Variants in GMPPA observed in about 807,000 individuals in gnomAD.
GMPPA encodes mannose-1-phosphate guanylyltransferase regulatory subunit alpha.
Under a neutral mutation model 58.6 loss-of-function variants are expected in GMPPA, and 46 were observed. That is an observed-to-expected ratio of 0.78 (90% confidence interval 0.62 to 1.00). The LOEUF is 1.00. Among genes scored for constraint, GMPPA ranks in the 50% least tolerant of loss-of-function variants. GMPPA has a pLI of 0.00. For missense variants in GMPPA, 468 were observed against 556.4 expected (o/e 0.84, Z 1.60); for synonymous variants, 211 against 214.9 (o/e 0.98, Z 0.16).
At position 219,504,930 on chromosome 2, in the gene GMPPA, G is replaced by T. The variant is rs1694522951; in HGVS notation, c.621-298G>T. 5 of 1,061,926 alleles carry T rather than the reference G, an allele frequency of 4.7e-6. 1 individual carries two copies. In the South Asian group the frequency reaches 1.3e-4, roughly 27 times the overall value. 65.8% of individuals were successfully genotyped at this position (1,061,926 alleles called of 1,614,324 possible). On this transcript the variant is annotated intron_variant, in intron 7 of 12. Coordinates refer to ENST00000313597, the MANE Select transcript of GMPPA (RefSeq NM_013335.4). ...GGAGGGTAACTTGGAGGGGGTAAAG[G>T]GCTGAATGGGGATGAGAATGTGAAA...
At position 219,505,773 on chromosome 2, in the gene GMPPA, T is replaced by G; in HGVS notation, c.900+12T>G. The G allele has an allele frequency of 6.3e-7, 1 of 1,591,794 alleles. No homozygotes were observed. Among genetic ancestry groups the G allele is most frequent in the Non-Finnish European group, 8.6e-7 (1 of 1,166,860 alleles). ...CCCCCTCGGCTGTGGTGAGCACTGG[T>G]CCCAGCCCCAGGGAGGGAAGGGTGG... On this transcript the variant is annotated intron_variant, in intron 10 of 12. Transcript: ENST00000313597.
chr2:219,498,979 G>C (rs1694294462), intron 1 of GMPPA, 41 bp downstream of exon 1: 1 of 152,422 alleles, frequency 6.6e-6, no homozygotes. Context: ...GGGGTAAGGG[G>C]CAGGGGACAC....
chr2:219,505,466 T>A lies in GMPPA; in HGVS notation c.764T>A (p.Leu255His), dbSNP rs1318891781. ...CCCCTTGCGGTCCCCAGTTCAGCCC[T>A]CTACGCCTCCCGCCTCTACCTGAGC... is the stretch of plus-strand genomic sequence containing the variant. The part of the protein sequence containing the change: ...WSQIKSAGSA[L>H]YASRLYLSRY... The change falls in exon 9 of 13, where the codon CTC becomes CAC. Residue 255 changes from leucine (L) to histidine (H), a missense_variant. By Grantham distance (99) the Leu-to-His change is moderately conservative. Transcript: ENST00000313597. The A allele has an allele frequency of 1.3e-6, 2 of 1,570,512 alleles. No homozygotes were observed. Among genetic ancestry groups the A allele is most frequent in the Non-Finnish European group, 1.7e-6 (2 of 1,156,520 alleles).
rs764413927 is a variant in GMPPA at position 219,506,031 on chromosome 2, C to T, written c.952C>T (p.Arg318Trp). The T allele has an allele frequency of 7.2e-5, 115 of 1,593,940 alleles. No individual in the cohort carries two copies. Among genetic ancestry groups the T allele is most frequent in the Non-Finnish European group, 9.2e-5 (108 of 1,168,174 alleles). The change falls in exon 11 of 13, where the codon CGG becomes TGG. Residue 318 changes from arginine (R) to tryptophan (W), a missense_variant. By Grantham distance (101) the Arg-to-Trp change is moderately radical. Transcript: ENST00000313597. ...GKGVTVGEGVRLRESIVLHGA... is the reference protein window; with the variant it reads ...GKGVTVGEGVWLRESIVLHGA... ...GGGGGTGACCGTGGGTGAGGGTGTG[C>T]GGCTCCGGGAGAGCATCGTCCTCCA...
chr2:219,506,423 G>T lies in GMPPA; in HGVS notation c.1162+1G>T, dbSNP rs778088829. On this transcript the variant is annotated splice_donor_variant, in intron 12 of 12. Transcript: ENST00000313597. LOFTEE classifies it high-confidence loss of function. ...CTGCTGCCTGCTATCACCATCCTGG[G>T]TATGGCTTCCTGGGGGCCAGGGCTG... The T allele has an allele frequency of 6.2e-7, 1 of 1,610,428 alleles. No homozygotes were observed. The highest frequency in any genetic ancestry group is 8.5e-7 in the Non-Finnish European group (1 of 1,178,576).
chr2:219,506,943 T>G lies in GMPPA; in HGVS notation c.*145T>G. 1.6e-6 allele frequency: 1 copy of G among 625,110 alleles called. No homozygotes were observed. The highest frequency in any genetic ancestry group is 2.5e-5 in the Admixed American group (1 of 39,378). 38.7% of individuals were successfully genotyped at this position (625,110 alleles called of 1,614,324 possible). On this transcript the variant is annotated 3_prime_UTR_variant, in exon 13 of 13. Transcript: ENST00000313597. ...GCAATGTGGATGGCCTGGGGACTCCTGGGTTTTCTCCCTCCCGACTCCCTA... is the reference window on the plus strand; with the variant it reads ...GCAATGTGGATGGCCTGGGGACTCCGGGGTTTTCTCCCTCCCGACTCCCTA...
intron 3 of GMPPA, 158 bp from the exon 4 acceptor site, chr2:219,501,318 C>T (rs1694381671): frequency 4.8e-6 from 3 of 627,992 alleles, no homozygotes; most frequent in East Asian, 5.2e-5. Context: ...CCAAATTCCT[C>T]ATTGTCCAGA....
chr2:219,504,936 A>C, intron 7 of GMPPA: 8 of 1,026,756 alleles, frequency 7.8e-6, no homozygotes, highest in African/African-American at 1.6e-5. Flanking sequence ...AAAGGGCTGA[A>C]TGGGGATGAG....
chr2:219,505,478 G>A lies in GMPPA; in HGVS notation c.776G>A (p.Arg259His), dbSNP rs768272917. ...KSAGSALYAS[R>H]LYLSRYQDTH... ...CCCAGTTCAGCCCTCTACGCCTCCC[G>A]CCTCTACCTGAGCCGATACCAGGAC... Residue 259 changes from arginine to histidine, a missense_variant, in exon 9 of 13, where the codon CGC becomes CAC. By Grantham distance (29) the Arg-to-His change is conservative. Transcript: ENST00000313597. 15 of 1,578,614 alleles carry A rather than the reference G, an allele frequency of 9.5e-6. No homozygotes were observed. The highest frequency in any genetic ancestry group is 2.3e-5 in the East Asian group (1 of 43,776).
rs779625170 is a variant in GMPPA, at chr2:219,502,417, C to A, written c.465C>A (p.Ile155=). The part of the protein sequence containing the change: ...NRTQSLNYGC[I]VENPQTHEVL... The stretch of plus-strand genomic sequence containing the variant: ...CGCAATCCCTCAACTACGGCTGCAT[C>A]GTTGAGAATCCACAGACACACGAGG... Residue 155 remains isoleucine, a synonymous_variant, in exon 6 of 13, where the codon ATC becomes ATA. Transcript: ENST00000313597. This position sits in a 1 kb window ranked among gnomAD's most constrained non-coding sequence, Gnocchi z 4.0. 23 of 1,613,860 alleles carry A rather than the reference C, an allele frequency of 1.4e-5. No homozygotes were observed. Among genetic ancestry groups the A allele is most frequent in the Non-Finnish European group, 1.4e-5 (17 of 1,179,822 alleles).
Position 219,502,210 on chromosome 2 carries a change from T to C in GMPPA, c.430-172T>C, listed in dbSNP as rs2125630667. Among the ~76,000 whole-genome samples the C allele has an allele frequency of 6.6e-6, 1 of 152,288 alleles. No individual in the cohort carries two copies. Among genetic ancestry groups the C allele is most frequent in the Middle Eastern group, 3.4e-3 (1 of 294 alleles). ...GTGTTAGTGGAGACCCCGAGCCCTC[T>C]GGCTGTTCAGAAGTAGGGAGGGGGA... On this transcript the variant is annotated intron_variant, in intron 5 of 12. Transcript: ENST00000313597. The surrounding 1 kb of genome is among the most constrained non-coding windows in gnomAD (Gnocchi z 4.0).
At position 219,502,039 on chromosome 2, in the gene GMPPA, TG is replaced by T; in HGVS notation, c.429+3del. 1 of 1,613,922 alleles carries T rather than the reference TG, an allele frequency of 6.2e-7. No individual in the cohort carries two copies. Among genetic ancestry groups the T allele is most frequent in the Middle Eastern group, 1.7e-4 (1 of 6,058 alleles). On this transcript the variant is annotated splice_donor_region_variant and intron_variant, in intron 5 of 12. Coordinates refer to ENST00000313597, the MANE Select transcript of GMPPA (RefSeq NM_013335.4). This position sits in a 1 kb window ranked among gnomAD's most constrained non-coding sequence, Gnocchi z 4.0. ...CCTTTCTTACTCCTTGGCACTACGGTGAGGGGGTCAGGAGGGCTGGAGGGTG... is the reference window on the plus strand; with the variant it reads ...CCTTTCTTACTCCTTGGCACTACGGTAGGGGGTCAGGAGGGCTGGAGGGTG...
rs1409940169 is a variant in GMPPA, at chr2:219,501,542, C to G, written c.205C>G (p.Leu69Val). 1.9e-6 allele frequency: 3 copies of G among 1,612,770 alleles called. No homozygotes were observed. Among genetic ancestry groups the G allele is most frequent in the Non-Finnish European group, 2.5e-6 (3 of 1,178,856 alleles). Residue 69 changes from leucine to valine, a missense_variant, in exon 4 of 13, where the codon CTA becomes GTA. Leu to Val is a conservative substitution (Grantham distance 32, BLOSUM62 1). Coordinates refer to ENST00000313597, the MANE Select transcript of GMPPA (RefSeq NM_013335.4). ...ACCTGATGAGCCCCTCACCCAGTTC[C>G]TAGAAGCCGCCCAGCAGGAGTTTAA... Reference protein sequence around the residue: ...YQPDEPLTQFLEAAQQEFNLP... With the variant: ...YQPDEPLTQFVEAAQQEFNLP...
In GMPPA at chr2:219,505,515, A is replaced by G. The variant is rs776699056; in HGVS notation, c.813A>G (p.Glu271=). ...GCCGATACCAGGACACTCACCCAGA[A>G]CGGCTGGCCAAGCACACCCCAGGGG... ...YLSRYQDTHP[E]RLAKHTPGGP... The change falls in exon 9 of 13, where the codon GAA becomes GAG. Residue 271 remains glutamate, a synonymous_variant. Coordinates refer to ENST00000313597, the MANE Select transcript of GMPPA (RefSeq NM_013335.4). The G allele has an allele frequency of 2.5e-6, 4 of 1,573,360 alleles. No homozygotes were observed. The African/African-American group carries it at 5.4e-5, about 21-fold the overall frequency.
Position 219,505,846 on chromosome 2 carries a change from G to A in GMPPA, c.900+85G>A, listed in dbSNP as rs1356748198. Reference sequence around the variant, plus strand: ...CCACGCTGCCTGAGTTCTGGGTGCCGGTTTCTTCACTTTGTCACAGCCTAT... The same window carrying A: ...CCACGCTGCCTGAGTTCTGGGTGCCAGTTTCTTCACTTTGTCACAGCCTAT... On this transcript the variant is annotated intron_variant, in intron 10 of 12. Transcript: ENST00000313597. 47 of 1,214,336 alleles carry A rather than the reference G, an allele frequency of 3.9e-5. 1 individual carries two copies. In the South Asian group the frequency reaches 4.0e-4, roughly 10 times the overall value. 75.2% of individuals were successfully genotyped at this position (1,214,336 alleles called of 1,614,324 possible). A position where few individuals can be genotyped will look rare whatever the true frequency, so the allele number is the denominator to read the frequency against.
intron 9 of GMPPA, 77 bp from the exon 10 acceptor site, chr2:219,505,638 A>G: frequency 6.3e-7 from 1 of 1,583,350 alleles, no homozygotes; most frequent in Non-Finnish European, 8.7e-7. Context: ...GTCCAGAGTT[A>G]AAGCCTCAAT....
Position 219,506,682 on chromosome 2 carries a change from C to G in GMPPA, c.1163-16C>G. 6.8e-7 allele frequency: 1 copy of G among 1,474,316 alleles called. No homozygotes were observed. The highest frequency in any genetic ancestry group is 9.5e-7 in the Non-Finnish European group (1 of 1,053,564). The allele number at this position is 1,474,316 out of a possible 1,614,324, so 91.3% of individuals were successfully genotyped here. A position where few individuals can be genotyped will look rare whatever the true frequency, so the allele number is the denominator to read the frequency against. ...CCCTCCCATGACCTCCCCTGGTGCC[C>G]TCATCCATGCTGCAGGCTGCCGAGT... On this transcript the variant is annotated splice_polypyrimidine_tract_variant and intron_variant, in intron 12 of 12. Transcript: ENST00000313597.
Position 219,502,825 on chromosome 2 carries a change from G to T in GMPPA, c.489+384G>T, listed in dbSNP as rs1244359244. ...GGCAGAGGGAATGGCAGGTATAAAG[G>T]CCTGGAGGCAGGAAGTAACATACCA... On this transcript the variant is annotated intron_variant, in intron 6 of 12. Transcript: ENST00000313597. This position sits in a 1 kb window ranked among gnomAD's most constrained non-coding sequence, Gnocchi z 4.0. Among the ~76,000 whole-genome samples, 1 of 152,110 alleles carries T rather than the reference G, an allele frequency of 6.6e-6. No individual in the cohort carries two copies. Among genetic ancestry groups the T allele is most frequent in the East Asian group, 1.9e-4 (1 of 5,190 alleles).
At chr2:219,504,997 C>A (rs1381930822) in intron 7 of GMPPA, 2 of 879,288 alleles carry the variant, frequency 2.3e-6, no homozygotes, top group African/African-American at 1.7e-5. Context: ...GGATGGGAAG[C>A]AGGCCTCTGC....
Sources: gnomAD v4.1 joint callset for allele counts (sites outside exome capture counted in the v4.1 genomes callset) on GRCh38, gnomAD v4.1.1 for gene constraint, Gnocchi (gnomAD v3.1) non-coding constraint, MANE v1.5 for transcripts, NCBI Gene and HGNC (gene_info 2026-07-23, HGNC 2026-07-21) for gene names.